Variants in CTNND2 observed in about 807,000 individuals in gnomAD.
CTNND2 encodes catenin delta-2.
A neutral mutation model predicts 144.4 loss-of-function variants in CTNND2; 22 were observed. The ratio of observed to expected loss-of-function variants is 0.15; its 90% confidence interval spans 0.11 to 0.22. The LOEUF (loss-of-function observed/expected upper bound fraction) is 0.22, where lower values mean the gene tolerates loss of function less well. Ranked by LOEUF, CTNND2 falls within the 10% of genes least tolerant of loss-of-function variation. CTNND2 has a pLI of 1.00. For missense variants in CTNND2, 1,353 were observed against 1,618.8 expected, an observed-to-expected ratio of 0.84 and a Z score of 2.82; for synonymous variants, 751 against 695.6, an observed-to-expected ratio of 1.08 and a Z score of -1.25.
At chr5:11,364,940 G>T in intron 7 of CTNND2, 50 bp from the exon 8 acceptor site, 2 of 1,499,348 alleles carry the variant, frequency 1.3e-6, no homozygotes, top group Middle Eastern at 1.7e-4. Context: ...CCTCCAAACA[G>T]AACTTGTTTA....
At chr5:11,240,591 G>GCACACACACCCAA (rs1217892711) in intron 9 of CTNND2, among the ~76,000 whole-genome samples, 5 of 58,340 alleles carry the variant, frequency 8.6e-5, no homozygotes, top group East Asian at 1.2e-3. Context: ...CACATACTCA[G>GCACACACACCCAA]CACACACACC....
At position 11,240,186 on chromosome 5, in the gene CTNND2, ACCCAACACACACACACACACC is replaced by A. The variant is rs1215954333; in HGVS notation, c.1629-3384_1629-3364del. ...CACACACCAACACACACACTCACAC[ACCCAACACACACACACACACC>A]CCCAACACACACACCCAACACACAC... On this transcript the variant is annotated intron_variant, in intron 9 of 21. Coordinates refer to ENST00000304623, the MANE Select transcript of CTNND2 (RefSeq NM_001332.4). 3.8e-4 allele frequency among the ~76,000 whole-genome samples: 46 copies of A among 121,264 alleles called. No homozygotes were observed. The South Asian group carries it at 5.6e-3, about 15-fold the overall frequency. The allele number at this position is 121,264 out of a possible 152,430, so 79.6% of individuals were successfully genotyped here. A position where few individuals can be genotyped will look rare whatever the true frequency, so the allele number is the denominator to read the frequency against.
intron 2 of CTNND2, among the ~76,000 whole-genome samples, chr5:11,697,442 G>A (rs1391456595): frequency 6.6e-6 from 1 of 152,122 alleles, no homozygotes; most frequent in East Asian, 1.9e-4. Context: ...TGGCATAAGT[G>A]GGAATAAAAA....
intron 3 of CTNND2, among the ~76,000 whole-genome samples, chr5:11,535,127 G>T (rs1475171568): frequency 6.6e-6 from 1 of 151,070 alleles, no homozygotes; most frequent in African/African-American, 2.4e-5. Flanking sequence ...GGCAGAGGTT[G>T]CAGTGAACTG....
At chr5:11,848,229 G>A (rs796266390) in intron 1 of CTNND2, among the ~76,000 whole-genome samples, 6 of 151,888 alleles carry the variant, frequency 4.0e-5, no homozygotes, top group African/African-American at 1.4e-4. Context: ...TTATAACCTG[G>A]TCTAAAAAAG....
At chr5:11,163,261 G>C (rs181296756) in intron 11 of CTNND2, among the ~76,000 whole-genome samples, 4 of 152,320 alleles carry the variant, frequency 2.6e-5, no homozygotes, top group Non-Finnish European at 5.9e-5. Flanking sequence ...TTGAGGGGAA[G>C]CCAATTGTCA....
chr5:11,101,220 T>C (rs779442061), intron 14 of CTNND2, among the ~76,000 whole-genome samples: 1 of 152,174 alleles, frequency 6.6e-6, no homozygotes, highest in Non-Finnish European at 1.5e-5. Context: ...ATTAAGTTAA[T>C]AGGGAGAAAA....
chr5:11,047,716 G>A (rs16901217), intron 16 of CTNND2, among the ~76,000 whole-genome samples: 7,066 of 152,210 alleles, frequency 0.046, 225 homozygotes, highest in African/African-American at 0.076. Context: ...AAGACTGTGA[G>A]TGCCATTTTT....
At chr5:11,677,785 A>C (rs1784243533) in intron 2 of CTNND2, among the ~76,000 whole-genome samples, 2 of 152,194 alleles carry the variant, frequency 1.3e-5, no homozygotes, top group Non-Finnish European at 2.9e-5. Context: ...TTCCACATAA[A>C]ACACCTAGAT....
At chr5:11,850,017 T>A (rs1051839293) in intron 1 of CTNND2, among the ~76,000 whole-genome samples, 2 of 152,158 alleles carry the variant, frequency 1.3e-5, no homozygotes, top group East Asian at 3.8e-4. Flanking sequence ...CCATTGCATG[T>A]GTATACCTAT....
chr5:11,514,530 A>T (rs921089524), intron 3 of CTNND2, among the ~76,000 whole-genome samples: 2 of 152,166 alleles, frequency 1.3e-5, no homozygotes, highest in Admixed American at 1.3e-4. Context: ...AACACATTTC[A>T]TGGGTGATCA....
At chr5:11,790,051 A>G (rs1198792402) in intron 1 of CTNND2, among the ~76,000 whole-genome samples, 1 of 152,156 alleles carries the variant, frequency 6.6e-6, no homozygotes, top group Non-Finnish European at 1.5e-5. Context: ...ATTTGCAACA[A>G]AACATGCTTT....
At chr5:11,253,924 C>T (rs1743933057) in intron 9 of CTNND2, among the ~76,000 whole-genome samples, 1 of 152,242 alleles carries the variant, frequency 6.6e-6, no homozygotes, top group Admixed American at 6.5e-5. Context: ...TCTTTCTGTA[C>T]ACTCAGTATA....
intron 1 of CTNND2, among the ~76,000 whole-genome samples, chr5:11,741,566 T>C (rs1788008490): frequency 6.6e-6 from 1 of 151,630 alleles, no homozygotes; most frequent in Non-Finnish European, 1.5e-5. Context: ...CTGGGGCCTG[T>C]CAGGGGGCGT....
chr5:11,435,306 T>A (rs1052174484), intron 3 of CTNND2, among the ~76,000 whole-genome samples: 1 of 148,654 alleles, frequency 6.7e-6, no homozygotes, highest in Non-Finnish European at 1.5e-5. Context: ...GCCCGGCTAA[T>A]TTTTTTTTTG....
intron 2 of CTNND2, among the ~76,000 whole-genome samples, chr5:11,654,996 C>T (rs550591465): frequency 2.2e-4 from 33 of 152,028 alleles, no homozygotes; most frequent in Admixed American, 8.5e-4. Context: ...AAATTGTCAA[C>T]GGTGGGGAGC....
chr5:11,551,370 T>C (rs917362966), intron 3 of CTNND2, among the ~76,000 whole-genome samples: 41 of 152,058 alleles, frequency 2.7e-4, no homozygotes, highest in African/African-American at 9.4e-4. Flanking sequence ...CTTACTGGTT[T>C]TTTTTTTCAC....
chr5:11,340,946 CATT>C (rs1754207717), intron 9 of CTNND2, among the ~76,000 whole-genome samples: 2 of 152,206 alleles, frequency 1.3e-5, no homozygotes, highest in Non-Finnish European at 2.9e-5. Flanking sequence ...CTTTCATCAT[CATT>C]GTTATCATCA....
At chr5:11,342,866 G>A (rs1754414280) in intron 9 of CTNND2, among the ~76,000 whole-genome samples, 1 of 152,120 alleles carries the variant, frequency 6.6e-6, no homozygotes, top group South Asian at 2.1e-4. Flanking sequence ...AAAAACAACA[G>A]TATATAGAAC....
Sources: allele counts gnomAD v4.1 joint callset (sites outside exome capture counted in the v4.1 genomes callset), GRCh38; gene constraint gnomAD v4.1.1; transcripts MANE v1.5; gene names NCBI Gene and HGNC (gene_info 2026-07-23, HGNC 2026-07-21).